PHF8: variants seen among roughly 807,000 people sequenced by gnomAD.
PHF8 encodes the protein PHD finger protein 8, also known as histone lysine demethylase PHF8.
PHF8 carries 9 observed loss-of-function variants against 74.4 expected under a neutral mutation model. The observed-to-expected ratio is 0.12, with a 90% CI of 0.07 to 0.21. The LOEUF is 0.21. Ranked by LOEUF, PHF8 falls within the 10% of genes least tolerant of loss-of-function variation. PHF8 has a pLI of 1.00. For missense variants in PHF8, 478 were observed against 816.6 expected, an observed-to-expected ratio of 0.59 and a Z score of 5.05; for synonymous variants, 311 against 316.6, an observed-to-expected ratio of 0.98 and a Z score of 0.19.
intron 2 of PHF8, among the ~76,000 whole-genome samples, chrX:54,033,959 G>T (rs1237707202): frequency 9.0e-6 from 1 of 110,593 alleles, no homozygotes; most frequent in Non-Finnish European, 1.9e-5. Flanking sequence ...ACAAAAAATA[G>T]AAAATCTCTT....
At chrX:54,036,599 AACT>A (rs2066463157) in intron 2 of PHF8, among the ~76,000 whole-genome samples, 18 of 97,385 alleles carry the variant, frequency 1.8e-4, no homozygotes, top group African/African-American at 6.1e-4. Flanking sequence ...AAAAAAAAAA[AACT>A]TTTTTTTTTT....
Position 54,029,083 on chromosome X carries a change from A to G in PHF8, c.99-6240T>C, listed in dbSNP as rs782116317. On this transcript the variant is annotated intron_variant, in intron 2 of 21. Coordinates refer to ENST00000338154, the MANE Select transcript of PHF8 (RefSeq NM_015107.3). ...TGTGTATGTTTGTTGTTATTATCCA[A>G]GTTATCAGCATGTCCTATCAACTCT... 3.6e-5 allele frequency among the ~76,000 whole-genome samples: 4 copies of G among 112,065 alleles called. No homozygotes were observed. In the East Asian group the frequency reaches 1.1e-3, roughly 31 times the overall value.
chrX:53,982,664 G>C (rs781822267), intron 18 of PHF8, among the ~76,000 whole-genome samples: 1 of 111,885 alleles, frequency 8.9e-6, no homozygotes, highest in Non-Finnish European at 1.9e-5. Flanking sequence ...TGGGAATTTC[G>C]TTTATGACAA....
chrX:53,999,606 G>C (rs1056220964), intron 11 of PHF8: 2 of 335,329 alleles, frequency 6.0e-6, no homozygotes, highest in Non-Finnish European at 1.1e-5. Context: ...AGTTCCCGCT[G>C]AGTGTAAAAA....
intron 19 of PHF8, among the ~76,000 whole-genome samples, chrX:53,948,922 G>C (rs1052548225): frequency 3.7e-5 from 4 of 108,289 alleles, no homozygotes; most frequent in Non-Finnish European, 7.7e-5. Context: ...CTACTCAGGA[G>C]GCTGAGGGAG....
At position 53,995,942 on chromosome X, in the gene PHF8, A is replaced by C. The variant is rs1025894148; in HGVS notation, c.1234-160T>G. Among the ~76,000 whole-genome samples the C allele has an allele frequency of 2.7e-5, 3 of 110,816 alleles. No individual in the cohort carries two copies. The Admixed American group carries it at 2.9e-4, about 11-fold the overall frequency. On this transcript the variant is annotated intron_variant, in intron 11 of 21. Transcript: ENST00000338154. ...TGCAAAAAAAAAAACAAAAACAAACAAACCTCAATCCCTATCTTGCACCAT... is the reference window on the plus strand; with the variant it reads ...TGCAAAAAAAAAAACAAAAACAAACCAACCTCAATCCCTATCTTGCACCAT...
chrX:53,986,101 T>C, intron 16 of PHF8, 152 bp from the exon 17 acceptor site: 3 of 564,348 alleles, frequency 5.3e-6, no homozygotes, highest in Admixed American at 2.6e-5. Flanking sequence ...TTTATCTTAA[T>C]TTCCAAGGCA....
rs187856941 is a variant in PHF8 at position 53,938,874 on chromosome X, A to G, written c.*284T>C. The G allele has an allele frequency of 1.1e-3, 1,000 of 900,835 alleles. 5 individuals are homozygous for G. The African/African-American group carries it at 0.019, about 17-fold the overall frequency. The allele number at this position is 900,835 out of a possible 1,213,427, so 74.2% of individuals were successfully genotyped here. A position where few individuals can be genotyped will look rare whatever the true frequency, so the allele number is the denominator to read the frequency against. The stretch of plus-strand genomic sequence containing the variant: ...GAATAAAGAACAGACAAGGCAGGTG[A>G]CGGGAGTGGTTTGGACGAGTAGAAA... On this transcript the variant is annotated 3_prime_UTR_variant, in exon 22 of 22. Coordinates refer to ENST00000338154, the MANE Select transcript of PHF8 (RefSeq NM_015107.3).
intron 20 of PHF8, among the ~76,000 whole-genome samples, chrX:53,941,446 C>T (rs1557083505): frequency 8.9e-6 from 1 of 111,969 alleles, no homozygotes; most frequent in East Asian, 2.8e-4. Flanking sequence ...TGTGTCACTT[C>T]TCCCAATACC....
At chrX:53,974,915 G>C (rs1293481303) in intron 18 of PHF8, among the ~76,000 whole-genome samples, 3 of 111,628 alleles carry the variant, frequency 2.7e-5, no homozygotes, top group African/African-American at 9.8e-5. Context: ...CCTGTCAGTG[G>C]TGGGGAAGGA....
At chrX:53,966,889 G>A (rs1456554653) in intron 18 of PHF8, among the ~76,000 whole-genome samples, 4 of 108,819 alleles carry the variant, frequency 3.7e-5, no homozygotes, top group Admixed American at 1.9e-4. Flanking sequence ...CCGCCGCCCC[G>A]TCTGGGATGT....
chrX:53,993,073 G>A lies in PHF8; in HGVS notation c.1627-234C>T, dbSNP rs972892552. On this transcript the variant is annotated intron_variant, in intron 13 of 21. Transcript: ENST00000338154. The stretch of plus-strand genomic sequence containing the variant: ...TGAACCATGTTCCCTTAAAAAAGAG[G>A]GGGCACATCTTCAGATGCCCATGGA... 27 of 400,108 alleles carry A rather than the reference G, an allele frequency of 6.7e-5. No homozygotes were observed. The African/African-American group carries it at 6.8e-4, about 10-fold the overall frequency. The allele number at this position is 400,108 out of a possible 1,213,427, so 33.0% of individuals were successfully genotyped here.
At chrX:54,043,717 T>C (rs1177862539) in intron 1 of PHF8, 45 bp downstream of exon 1, 1 of 460,733 alleles carries the variant, frequency 2.2e-6, no homozygotes, top group Non-Finnish European at 2.7e-6. Context: ...CCTCACAGTA[T>C]ATCCTAAAAC....
chrX:54,021,454 ATTTTTTTTT>A (rs1156928686), intron 4 of PHF8, among the ~76,000 whole-genome samples: 6 of 42,164 alleles, frequency 1.4e-4, no homozygotes, highest in South Asian at 1.7e-3. Flanking sequence ...AGTTGCAATT[ATTTTTTTTT>A]TTTTTTTTTT....
intron 7 of PHF8, among the ~76,000 whole-genome samples, chrX:54,012,742 C>T (rs2066001525): frequency 9.0e-6 from 1 of 110,682 alleles, no homozygotes; most frequent in Admixed American, 9.7e-5. Flanking sequence ...TTGAGACCAG[C>T]CTGGGCAACA....
At chrX:54,023,520 C>G (rs999151798) in intron 2 of PHF8, among the ~76,000 whole-genome samples, 1 of 109,631 alleles carries the variant, frequency 9.1e-6, no homozygotes, top group Admixed American at 9.9e-5. Flanking sequence ...CAAAATTCAA[C>G]CTTCCCTTAC....
intron 20 of PHF8, among the ~76,000 whole-genome samples, chrX:53,942,396 T>C (rs1309518217): frequency 8.9e-6 from 1 of 112,406 alleles, no homozygotes; most frequent in African/African-American, 3.2e-5. Context: ...ATGGTAGAAC[T>C]ATTACATAAT....
At chrX:53,999,607 A>AGTTTTTT (rs1352273762) in intron 11 of PHF8, 4 of 335,557 alleles carry the variant, frequency 1.2e-5, no homozygotes, top group African/African-American at 1.0e-4. Flanking sequence ...GTTCCCGCTG[A>AGTTTTTT]GTGTAAAAAT....
At chrX:54,016,216 A>G (rs2066065845) in intron 6 of PHF8, among the ~76,000 whole-genome samples, 1 of 111,564 alleles carries the variant, frequency 9.0e-6, no homozygotes, top group South Asian at 3.7e-4. Context: ...ACACGAGGCA[A>G]GGTGCGGTGG....
Sources: allele counts gnomAD v4.1 joint callset (sites outside exome capture counted in the v4.1 genomes callset), GRCh38; gene constraint gnomAD v4.1.1; transcripts MANE v1.5; gene names NCBI Gene and HGNC (gene_info 2026-07-23, HGNC 2026-07-21).